CAMTA1: variants seen among roughly 807,000 people sequenced by gnomAD.
CAMTA1 encodes calmodulin-binding transcription activator 1.
In CAMTA1, 27 loss-of-function variants were observed where a neutral mutation model predicts 170.9. The observed-to-expected ratio is 0.16, with a 90% confidence interval of 0.12 to 0.22. CAMTA1 has a LOEUF of 0.22. Ranked by LOEUF, CAMTA1 falls within the 10% of genes least tolerant of loss-of-function variation. The pLI is 1.00. For missense variants in CAMTA1, 1,619 were observed against 2,217.2 expected (o/e 0.73, Z 5.42); for synonymous variants, 833 against 891.5 (o/e 0.93, Z 1.17).
rs867725984 is a variant in CAMTA1 at position 7,746,080 on chromosome 1, C to A, written c.4606C>A (p.Arg1536=). ...TGCCAGGCTTGTCCAGACAGCTTTCCGGAAATACAAGGTAAACTAGAACAG... is the reference window on the plus strand; with the variant it reads ...TGCCAGGCTTGTCCAGACAGCTTTCAGGAAATACAAGGTAAACTAGAACAG... ...EAARLVQTAF[R]KYKGRPLREQ... is the part of the protein sequence containing the mutation. Residue 1536 remains arginine, a synonymous_variant, in exon 18 of 23, where the codon CGG becomes AGG. Transcript: ENST00000303635. 1 of 1,613,972 alleles carries A rather than the reference C, an allele frequency of 6.2e-7. No individual in the cohort carries two copies. Among genetic ancestry groups the A allele is most frequent in the Middle Eastern group, 1.7e-4 (1 of 6,060 alleles).
chr1:7,081,010 T>C (rs943931521), intron 3 of CAMTA1, among the ~76,000 whole-genome samples: 4 of 152,208 alleles, frequency 2.6e-5, no homozygotes, highest in African/African-American at 9.6e-5. Flanking sequence ...TTCAGACCTC[T>C]TCAAAGAGTG....
Position 7,493,070 on chromosome 1 carries a change from CACAG to C in CAMTA1, c.510+25173_510+25176del, listed in dbSNP as rs768790093. ...ACCTACATACACACGCGCGCACACA[CACAG>C]ACATACAAACGTGAGCACACAACAC... On this transcript the variant is annotated intron_variant, in intron 6 of 22. Coordinates refer to ENST00000303635, the MANE Select transcript of CAMTA1 (RefSeq NM_015215.4). Among the ~76,000 whole-genome samples the C allele has an allele frequency of 1.7e-4, 21 of 125,740 alleles. 1 individual carries two copies. The highest frequency in any genetic ancestry group is 2.4e-4 in the Admixed American group (3 of 12,644). 82.5% of individuals were successfully genotyped at this position (125,740 alleles called of 152,430 possible). A position where few individuals can be genotyped will look rare whatever the true frequency, so the allele number is the denominator to read the frequency against.
chr1:6,905,507 C>G (rs1180980287), intron 3 of CAMTA1, among the ~76,000 whole-genome samples: 1 of 152,068 alleles, frequency 6.6e-6, no homozygotes, highest in African/African-American at 2.4e-5. Context: ...CTCCTCCTTT[C>G]TTTACCATCC....
chr1:7,718,753 C>T (rs1359287189), intron 11 of CAMTA1, among the ~76,000 whole-genome samples: 2 of 151,550 alleles, frequency 1.3e-5, no homozygotes, highest in African/African-American at 4.8e-5. Context: ...AGACTGGTTT[C>T]CCCATGTTTC....
rs1002522592 is a variant in CAMTA1 at position 7,680,735 on chromosome 1, ATGTT to A, written c.2914+3005_2914+3008del. On this transcript the variant is annotated intron_variant, in intron 11 of 22. Coordinates refer to ENST00000303635, the MANE Select transcript of CAMTA1 (RefSeq NM_015215.4). The surrounding 1 kb of genome is among the most constrained non-coding windows in gnomAD (Gnocchi z 4.4). ...TCCCCTCTGCCATGCGCGGGGGAAA[ATGTT>A]TGAGGGCGGGGAAGAGACTGTCTGC... Among the ~76,000 whole-genome samples, 1 of 150,934 alleles carries A rather than the reference ATGTT, an allele frequency of 6.6e-6. No homozygotes were observed. The highest frequency in any genetic ancestry group is 2.4e-5 in the African/African-American group (1 of 41,072).
chr1:6,791,041 T>C (rs1297659765), intron 1 of CAMTA1, among the ~76,000 whole-genome samples: 1 of 152,114 alleles, frequency 6.6e-6, no homozygotes, highest in Non-Finnish European at 1.5e-5. Context: ...ATGTGTGTGT[T>C]TCTTTTGCAT....
At chr1:6,886,761 A>G (rs1571385795) in intron 3 of CAMTA1, among the ~76,000 whole-genome samples, 1 of 152,234 alleles carries the variant, frequency 6.6e-6, no homozygotes, top group Non-Finnish European at 1.5e-5. Context: ...TGTTTTATCT[A>G]CAGCCACTCC....
At chr1:7,261,185 G>A (rs1418761355) in intron 5 of CAMTA1, among the ~76,000 whole-genome samples, 1 of 152,200 alleles carries the variant, frequency 6.6e-6, no homozygotes, top group Non-Finnish European at 1.5e-5. Context: ...TCCACAGCAA[G>A]TGGCTGCGGG....
At chr1:6,960,380 C>T (rs1030061829) in intron 3 of CAMTA1, among the ~76,000 whole-genome samples, 1 of 152,016 alleles carries the variant, frequency 6.6e-6, no homozygotes, top group South Asian at 2.1e-4. Context: ...TTTGGAGGAG[C>T]TGCGTGTCCT....
At chr1:7,324,931 C>T (rs1007386345) in intron 5 of CAMTA1, among the ~76,000 whole-genome samples, 2 of 152,022 alleles carry the variant, frequency 1.3e-5, no homozygotes, top group African/African-American at 2.4e-5. Flanking sequence ...ACAGTTTGAC[C>T]ATCCTTTTGA....
At chr1:6,906,782 T>A (rs1678592421) in intron 3 of CAMTA1, among the ~76,000 whole-genome samples, 1 of 151,870 alleles carries the variant, frequency 6.6e-6, no homozygotes, top group Non-Finnish European at 1.5e-5. Flanking sequence ...CTAAAGGGAG[T>A]GAAAGAGGAA....
At chr1:7,556,335 T>A (rs1333192020) in intron 6 of CAMTA1, among the ~76,000 whole-genome samples, 1 of 152,078 alleles carries the variant, frequency 6.6e-6, no homozygotes, top group Non-Finnish European at 1.5e-5. Flanking sequence ...TCTCTAGGAA[T>A]TGACCAGCCC....
chr1:6,973,075 C>G (rs927194510), intron 3 of CAMTA1, among the ~76,000 whole-genome samples: 1 of 152,070 alleles, frequency 6.6e-6, no homozygotes, highest in Non-Finnish European at 1.5e-5. Context: ...TGGTCTTGAA[C>G]TCCTGACCTC....
intron 4 of CAMTA1, among the ~76,000 whole-genome samples, chr1:7,163,343 G>A (rs180837492): frequency 2.8e-5 from 3 of 105,932 alleles, no homozygotes; most frequent in South Asian, 3.9e-4. Context: ...GCGGGAGGCC[G>A]GGGGGTGGGT....
In CAMTA1 at chr1:7,662,780, G is replaced by C. The variant is rs188486662; in HGVS notation, c.806-573G>C. Among the ~76,000 whole-genome samples, 4 of 152,288 alleles carry C rather than the reference G, an allele frequency of 2.6e-5. No individual in the cohort carries two copies. The East Asian group carries it at 7.7e-4, about 29-fold the overall frequency. ...CTTTCCGCCTCTGGAGCAGGGTCGA[G>C]AACCCTCTTTGGTCCTGGGGCCTGA... On this transcript the variant is annotated intron_variant, in intron 8 of 22. Coordinates refer to ENST00000303635, the MANE Select transcript of CAMTA1 (RefSeq NM_015215.4).
In CAMTA1 at chr1:6,789,541, TG is replaced by T. The variant is rs1445727629; in HGVS notation, c.45+3968del. 5.3e-5 allele frequency among the ~76,000 whole-genome samples: 8 copies of T among 152,330 alleles called. No homozygotes were observed. The South Asian group carries it at 1.7e-3, about 32-fold the overall frequency. ...GTTGTACTTCTTTCTCCTTTCCTTA[TG>T]GAAAAAGCAGTAGAAGGTGATTCTC... On this transcript the variant is annotated intron_variant, in intron 1 of 22. Transcript: ENST00000303635.
At chr1:7,611,977 G>A (rs1305228699) in intron 6 of CAMTA1, among the ~76,000 whole-genome samples, 1 of 152,268 alleles carries the variant, frequency 6.6e-6, no homozygotes. Context: ...GGTGCACAGA[G>A]ATGGGCAGGG....
At chr1:7,290,680 G>C (rs563403189) in intron 5 of CAMTA1, among the ~76,000 whole-genome samples, 13 of 151,974 alleles carry the variant, frequency 8.6e-5, no homozygotes, top group African/African-American at 3.1e-4. Flanking sequence ...TACTTGCTGC[G>C]ACGTAAATTA....
chr1:7,758,666 T>G (rs955416960), intron 22 of CAMTA1, among the ~76,000 whole-genome samples: 5 of 152,186 alleles, frequency 3.3e-5, no homozygotes, highest in African/African-American at 1.2e-4. Context: ...CCGGGCGCGG[T>G]GGCTTACGCC....
Sources: gnomAD v4.1 joint callset for allele counts (sites outside exome capture counted in the v4.1 genomes callset) on GRCh38, gnomAD v4.1.1 for gene constraint, Gnocchi (gnomAD v3.1) non-coding constraint, MANE v1.5 for transcripts, NCBI Gene and HGNC (gene_info 2026-07-23, HGNC 2026-07-21) for gene names.